KCNH7: variants seen among roughly 807,000 people sequenced by gnomAD.
KCNH7 encodes voltage-gated inwardly rectifying potassium channel KCNH7.
KCNH7 carries 49 observed loss-of-function variants against 120.8 expected under a neutral mutation model. The observed-to-expected ratio is 0.41, with a 90% confidence interval of 0.32 to 0.51. The LOEUF (loss-of-function observed/expected upper bound fraction) is 0.51, where lower values mean the gene tolerates loss of function less well. KCNH7 is among the 20% of genes least tolerant of loss of function. The pLI, the probability that KCNH7 is intolerant of heterozygous loss-of-function variation, is 0.38. For synonymous variants in KCNH7, 547 were observed against 516.1 expected (o/e 1.06, Z -0.81); for missense variants, 1,097 against 1,446.6 (o/e 0.76, Z 3.92).
chr2:162,522,463 A>T (rs1453207171), intron 3 of KCNH7, among the ~76,000 whole-genome samples: 1 of 151,842 alleles, frequency 6.6e-6, no homozygotes, highest in African/African-American at 2.4e-5. Flanking sequence ...TTACAGATTT[A>T]GTTGTCTAAC....
At chr2:162,798,750 T>C (rs1042834729) in intron 2 of KCNH7, among the ~76,000 whole-genome samples, 3 of 152,174 alleles carry the variant, frequency 2.0e-5, no homozygotes, top group African/African-American at 4.8e-5. Flanking sequence ...TATCATGAAA[T>C]GCCCCTTAGA....
chr2:162,469,491 A>C (rs1428021512), intron 6 of KCNH7, among the ~76,000 whole-genome samples: 1 of 151,742 alleles, frequency 6.6e-6, no homozygotes, highest in Non-Finnish European at 1.5e-5. Flanking sequence ...TGACAACGGT[A>C]CTAGTTGAGT....
At chr2:162,621,577 C>G (rs1229926587) in intron 2 of KCNH7, among the ~76,000 whole-genome samples, 2 of 152,000 alleles carry the variant, frequency 1.3e-5, no homozygotes, top group Non-Finnish European at 2.9e-5. Flanking sequence ...GTGAATAAAA[C>G]CACGTAGAAT....
chr2:162,425,619 T>G (rs893931975), intron 8 of KCNH7, among the ~76,000 whole-genome samples: 3 of 152,132 alleles, frequency 2.0e-5, no homozygotes, highest in Non-Finnish European at 4.4e-5. Context: ...AAAATACCTA[T>G]CATGTGCTCA....
intron 6 of KCNH7, among the ~76,000 whole-genome samples, chr2:162,491,749 G>A (rs939881131): frequency 1.2e-4 from 19 of 152,122 alleles, no homozygotes; most frequent in Admixed American, 4.6e-4. Context: ...TCTCCCTCAC[G>A]TACCCCAGGT....
chr2:162,639,905 A>G (rs1381698649), intron 2 of KCNH7, among the ~76,000 whole-genome samples: 2 of 152,118 alleles, frequency 1.3e-5, no homozygotes, highest in Non-Finnish European at 2.9e-5. Context: ...AAGCCCCATT[A>G]TATTTCTATA....
chr2:162,630,221 C>T (rs977167311), intron 2 of KCNH7, among the ~76,000 whole-genome samples: 1 of 151,988 alleles, frequency 6.6e-6, no homozygotes, highest in African/African-American at 2.4e-5. Flanking sequence ...AATTTGAATT[C>T]TCCACAAAGT....
At chr2:162,433,433 A>G (rs1688135411) in intron 8 of KCNH7, among the ~76,000 whole-genome samples, 1 of 152,096 alleles carries the variant, frequency 6.6e-6, no homozygotes, top group Admixed American at 6.6e-5. Flanking sequence ...AAACAGACAC[A>G]TAGGCCAATA....
intron 2 of KCNH7, among the ~76,000 whole-genome samples, chr2:162,752,756 G>A (rs773804812): frequency 3.5e-4 from 53 of 150,968 alleles, no homozygotes; most frequent in Admixed American, 8.0e-4. Flanking sequence ...AAAATTAGCC[G>A]GGTGTGATGG....
intron 2 of KCNH7, among the ~76,000 whole-genome samples, chr2:162,609,802 T>C (rs1220540738): frequency 6.6e-6 from 1 of 151,920 alleles, no homozygotes; most frequent in Non-Finnish European, 1.5e-5. Flanking sequence ...AGTCAACAAT[T>C]TGAATGGGTG....
chr2:162,540,830 G>A (rs1305850849), intron 2 of KCNH7, among the ~76,000 whole-genome samples: 3 of 152,070 alleles, frequency 2.0e-5, no homozygotes, highest in African/African-American at 7.2e-5. Context: ...TATAGAGGAG[G>A]CCAGGATGGA....
intron 3 of KCNH7, among the ~76,000 whole-genome samples, chr2:162,535,482 T>C (rs1229435994): frequency 6.6e-6 from 1 of 151,672 alleles, no homozygotes; most frequent in Admixed American, 6.6e-5. Context: ...AAAAGTTACA[T>C]GCCAAGGAGC....
intron 2 of KCNH7, among the ~76,000 whole-genome samples, chr2:162,636,273 T>TA (rs1291077987): frequency 6.6e-6 from 1 of 152,118 alleles, no homozygotes; most frequent in Non-Finnish European, 1.5e-5. Context: ...TATATGTATC[T>TA]AAAACATTCA....
chr2:162,672,655 C>A (rs960078943), intron 2 of KCNH7, among the ~76,000 whole-genome samples: 5 of 151,826 alleles, frequency 3.3e-5, no homozygotes, highest in African/African-American at 1.2e-4. Context: ...TGGCTGACAC[C>A]CACATAGCGA....
intron 2 of KCNH7, among the ~76,000 whole-genome samples, chr2:162,633,475 G>C (rs1183936308): frequency 6.6e-6 from 1 of 151,866 alleles, no homozygotes; most frequent in African/African-American, 2.4e-5. Flanking sequence ...AGATTGTGTA[G>C]ATGTATAACT....
chr2:162,419,613 C>T (rs1249769121), intron 9 of KCNH7, among the ~76,000 whole-genome samples: 2 of 152,022 alleles, frequency 1.3e-5, no homozygotes, highest in Non-Finnish European at 1.5e-5. Flanking sequence ...GGAGGAGGTG[C>T]TATTTTCAGG....
chr2:162,527,166 A>T (rs1458123002), intron 3 of KCNH7, among the ~76,000 whole-genome samples: 2 of 151,778 alleles, frequency 1.3e-5, no homozygotes, highest in Admixed American at 6.6e-5. Flanking sequence ...CTCTGAGTAA[A>T]TTTTCCTCAG....
intron 2 of KCNH7, among the ~76,000 whole-genome samples, chr2:162,822,330 A>G (rs1044359458): frequency 1.3e-5 from 2 of 152,034 alleles, no homozygotes; most frequent in African/African-American, 4.8e-5. Context: ...TTTACTGGGT[A>G]CCTGGAGCTG....
chr2:162,584,443 G>A (rs1693963526), intron 2 of KCNH7, among the ~76,000 whole-genome samples: 1 of 152,020 alleles, frequency 6.6e-6, no homozygotes, highest in Non-Finnish European at 1.5e-5. Context: ...TCTCAAATTG[G>A]GATAATATCT....
Sources: gnomAD v4.1 joint callset for allele counts (sites outside exome capture counted in the v4.1 genomes callset) on GRCh38, gnomAD v4.1.1 for gene constraint, MANE v1.5 for transcripts, NCBI Gene and HGNC (gene_info 2026-07-23, HGNC 2026-07-21) for gene names.